Variants in DLGAP4 observed in about 807,000 individuals in gnomAD.
The protein encoded by DLGAP4 is disks large-associated protein 4.
DLGAP4 carries 18 observed loss-of-function variants against 86.9 expected under a neutral mutation model. The observed-to-expected ratio is 0.21, with a 90% CI of 0.14 to 0.31. The LOEUF is 0.31. Ranked by LOEUF, DLGAP4 falls within the 10% of genes least tolerant of loss-of-function variation. The pLI, the probability that DLGAP4 is intolerant of heterozygous loss-of-function variation, is 1.00. For synonymous variants in DLGAP4, 548 were observed against 574.3 expected (o/e 0.95, Z 0.65); for missense variants, 1,085 against 1,362.6 (o/e 0.80, Z 3.21).
At chr20:36,499,353 C>CCCAA in intron 8 of DLGAP4, 2 of 1,601,884 alleles carry the variant, frequency 1.2e-6, no homozygotes, top group Non-Finnish European at 1.7e-6. Flanking sequence ...CACCCCATCC[C>CCCAA]ACCTCCCGCC....
intron 8 of DLGAP4, chr20:36,497,445 A>T: frequency 9.5e-7 from 1 of 1,058,188 alleles, no homozygotes; most frequent in South Asian, 3.3e-5. Flanking sequence ...CTCTAATCCA[A>T]GGTCAGCTCG....
chr20:36,368,220 G>A (rs111675287), intron 2 of DLGAP4, among the ~76,000 whole-genome samples: 9 of 152,162 alleles, frequency 5.9e-5, no homozygotes, highest in Non-Finnish European at 1.2e-4. Context: ...GCGCCTCCTG[G>A]CCTTTTGGCC....
At chr20:36,415,952 C>G (rs1238229521) in intron 2 of DLGAP4, among the ~76,000 whole-genome samples, 1 of 152,110 alleles carries the variant, frequency 6.6e-6, no homozygotes, top group Non-Finnish European at 1.5e-5. Flanking sequence ...ACCTGATTCC[C>G]CAGGGGTTGA....
intron 2 of DLGAP4, among the ~76,000 whole-genome samples, chr20:36,413,125 G>T (rs150964033): frequency 1.3e-5 from 2 of 151,436 alleles, no homozygotes; most frequent in African/African-American, 4.9e-5. Flanking sequence ...GGTTACAGGC[G>T]TGTGCCACCA....
chr20:36,315,943 G>C (rs2065095117), intron 1 of DLGAP4, among the ~76,000 whole-genome samples: 1 of 152,162 alleles, frequency 6.6e-6, no homozygotes, highest in Non-Finnish European at 1.5e-5. Flanking sequence ...AGCCTGGGAG[G>C]GGGTGGTGTG....
intron 1 of DLGAP4, among the ~76,000 whole-genome samples, chr20:36,348,239 G>A (rs2030010380): frequency 6.6e-6 from 1 of 152,194 alleles, no homozygotes; most frequent in African/African-American, 2.4e-5. Flanking sequence ...AGGAGATATG[G>A]GGGGACAATT....
intron 7 of DLGAP4, among the ~76,000 whole-genome samples, chr20:36,495,769 C>T (rs1006032494): frequency 6.6e-6 from 1 of 152,106 alleles, no homozygotes; most frequent in Non-Finnish European, 1.5e-5. Flanking sequence ...GACCACTGTA[C>T]GGGTTTCACA....
intron 7 of DLGAP4, among the ~76,000 whole-genome samples, chr20:36,458,494 T>C (rs1569505386): frequency 6.6e-6 from 1 of 151,106 alleles, no homozygotes; most frequent in African/African-American, 2.4e-5. Context: ...CCCAAAGTGC[T>C]GGGATTACAG....
At chr20:36,320,025 C>A (rs1238376398) in intron 1 of DLGAP4, among the ~76,000 whole-genome samples, 16 of 146,712 alleles carry the variant, frequency 1.1e-4, no homozygotes, top group Admixed American at 3.4e-4. Context: ...CCTCTGTGTC[C>A]CCCTCTCCCA....
chr20:36,312,535 T>G (rs908995983), intron 1 of DLGAP4, among the ~76,000 whole-genome samples: 1 of 152,112 alleles, frequency 6.6e-6, no homozygotes, highest in Non-Finnish European at 1.5e-5. Context: ...GGGTCATCTT[T>G]AGAAAGCATA....
chr20:36,451,414 G>A (rs916541034), intron 7 of DLGAP4, among the ~76,000 whole-genome samples: 1 of 152,114 alleles, frequency 6.6e-6, no homozygotes, highest in African/African-American at 2.4e-5. Flanking sequence ...GCAGTGGCGC[G>A]ATCTCAGCTC....
rs375764296 is a variant in DLGAP4, at chr20:36,406,136, C to T, written c.-72-25510C>T. ...CTTGAAGGCCGGGCGCGGTGGCTCA[C>T]GCCTGTAATCCCAGCACTTTGGGAG... On this transcript the variant is annotated intron_variant, in intron 2 of 12. Transcript: ENST00000339266. 3.0e-3 allele frequency among the ~76,000 whole-genome samples: 459 copies of T among 152,244 alleles called. 5 individuals carry two copies. The highest frequency in any genetic ancestry group is 0.01 in the African/African-American group (429 of 41,554).
intron 2 of DLGAP4, among the ~76,000 whole-genome samples, chr20:36,367,587 AAGCAGG>A (rs1269318400): frequency 6.6e-6 from 1 of 152,208 alleles, no homozygotes; most frequent in Non-Finnish European, 1.5e-5. Context: ...TGCCACACCC[AAGCAGG>A]CGGGGACAGG....
At chr20:36,372,875 T>C (rs6129926) in intron 2 of DLGAP4, among the ~76,000 whole-genome samples, 5,901 of 152,224 alleles carry the variant, frequency 0.039, 348 homozygotes, top group East Asian at 0.3. Flanking sequence ...TGGCGCATTG[T>C]TGGGGAAAAA....
intron 1 of DLGAP4, among the ~76,000 whole-genome samples, chr20:36,310,930 G>T (rs2065048033): frequency 6.6e-6 from 1 of 152,168 alleles, no homozygotes; most frequent in South Asian, 2.1e-4. Context: ...ATCGGAATAT[G>T]GGGGGATGCT....
chr20:36,363,951 G>T (rs1266383123), intron 1 of DLGAP4, among the ~76,000 whole-genome samples: 1 of 152,190 alleles, frequency 6.6e-6, no homozygotes, highest in Non-Finnish European at 1.5e-5. Context: ...AGCCAGTAAC[G>T]GGCAGGAGGG....
intron 6 of DLGAP4, among the ~76,000 whole-genome samples, chr20:36,445,982 C>T (rs1306255444): frequency 6.6e-6 from 1 of 152,232 alleles, no homozygotes; most frequent in Non-Finnish European, 1.5e-5. Context: ...GACCCATCTA[C>T]ACAAAGTTGA....
intron 2 of DLGAP4, among the ~76,000 whole-genome samples, chr20:36,367,740 C>G (rs1447549696): frequency 6.6e-6 from 1 of 152,190 alleles, no homozygotes; most frequent in Non-Finnish European, 1.5e-5. Flanking sequence ...TCCTGCCCCT[C>G]TGGCCTGTTC....
intron 1 of DLGAP4, among the ~76,000 whole-genome samples, chr20:36,316,794 G>A (rs1048287034): frequency 3.6e-4 from 55 of 152,078 alleles, no homozygotes; most frequent in Admixed American, 5.9e-4. Context: ...AGGCCAGCCC[G>A]TCCCATTGCA....
Sources: allele counts gnomAD v4.1 joint callset (sites outside exome capture counted in the v4.1 genomes callset), GRCh38; gene constraint gnomAD v4.1.1; transcripts MANE v1.5; gene names NCBI Gene and HGNC (gene_info 2026-07-23, HGNC 2026-07-21).